Variants in UBR4 observed in about 807,000 individuals in gnomAD.
The protein encoded by UBR4 is ubiquitin protein ligase E3 component n-recognin 4, also known as E3 ubiquitin-protein ligase UBR4.
A neutral mutation model predicts 575.6 loss-of-function variants in UBR4; 124 were observed. The observed-to-expected ratio is 0.22, with a 90% CI of 0.19 to 0.25. The LOEUF is 0.25. Among genes scored for constraint, UBR4 ranks in the 10% least tolerant of loss-of-function variants. UBR4 has a pLI of 1.00. For missense variants in UBR4, 4,818 were observed against 6,478.8 expected (o/e 0.74, Z 8.80); for synonymous variants, 2,455 against 2,473.7 (o/e 0.99, Z 0.22).
rs992042333 is a variant in UBR4, at chr1:19,106,945, T to C, written c.12127A>G (p.Thr4043Ala). ...KNKDVPVEAL[T>A]TVKPYCNEIH... ...TCATTGCAGTATGGCTTCACCGTGG[T>C]GAGGGCCTCAACGGGGACATCCTGG... Residue 4043 changes from threonine to alanine, a missense_variant, in exon 82 of 106, where the codon ACC (threonine) becomes GCC (alanine). Physicochemically the swap from Thr to Ala is moderately conservative, Grantham distance 58. Coordinates refer to ENST00000375254, the MANE Select transcript of UBR4 (RefSeq NM_020765.3). 1.2e-6 allele frequency: 2 copies of C among 1,612,222 alleles called. No homozygotes were observed. Among genetic ancestry groups the C allele is most frequent in the Non-Finnish European group, 1.7e-6 (2 of 1,179,944 alleles).
chr1:19,122,786 C>T (rs376361225), intron 66 of UBR4, 47 bp downstream of exon 66: 4 of 1,609,286 alleles, frequency 2.5e-6, no homozygotes, highest in South Asian at 1.1e-5. Flanking sequence ...TTGGCTAAGC[C>T]TTATCACATC....
At chr1:19,195,509 G>C (rs904699359) in intron 8 of UBR4, among the ~76,000 whole-genome samples, 5 of 151,944 alleles carry the variant, frequency 3.3e-5, no homozygotes, top group Non-Finnish European at 1.5e-5. Flanking sequence ...CTTACTGACT[G>C]AGTACATTGA....
At position 19,184,137 on chromosome 1, in the gene UBR4, G is replaced by A; in HGVS notation, c.1977C>T (p.Thr659=). The stretch of plus-strand genomic sequence containing the variant: ...TGTTCCGAGAGTTCAGCATGGAAGA[G>A]GTGATGAAGTTCAAAATGTTGGAAG... ...GLASNILNFI[T]SSMLNSRNNF... The change falls in exon 16 of 106, where the codon ACC becomes ACT. Residue 659 remains threonine, a synonymous_variant. Transcript: ENST00000375254. The A allele has an allele frequency of 6.2e-7, 1 of 1,614,158 alleles. No homozygotes were observed. Among genetic ancestry groups the A allele is most frequent in the Non-Finnish European group, 8.5e-7 (1 of 1,180,028 alleles).
intron 67 of UBR4, 116 bp downstream of exon 67, chr1:19,121,818 G>A (rs77437768): frequency 0.026 from 31,781 of 1,205,976 alleles, 538 homozygotes; most frequent in South Asian, 0.059. Flanking sequence ...GTTCTGTCTA[G>A]TCTATCTTGT....
rs1384542001 is a variant in UBR4 at position 19,113,790 on chromosome 1, G to C, written c.11366C>G (p.Ser3789Cys). ...CAGGATGTAACGATTCACACTGGCA[G>C]AAGTGGAGCTGATGCCCCCTGCTGT... is the stretch of plus-strand genomic sequence containing the variant. The part of the protein sequence containing the change: ...SGTAGGISST[S>C]ASVNRYILQL... Residue 3789 changes from serine to cysteine, a missense_variant, in exon 77 of 106, where the codon TCT becomes TGT. By Grantham distance (112) the Ser-to-Cys change is moderately radical (BLOSUM62 -1). This residue lies in a region of UBR4 where 333 missense variants were observed against 459.2 expected (regional missense o/e 0.73). Coordinates refer to ENST00000375254, the MANE Select transcript of UBR4 (RefSeq NM_020765.3). 4.3e-6 allele frequency: 7 copies of C among 1,614,128 alleles called. No homozygotes were observed. Among genetic ancestry groups the C allele is most frequent in the African/African-American group, 4.0e-5 (3 of 74,940 alleles).
intron 29 of UBR4, 94 bp from the exon 30 acceptor site, chr1:19,165,851 T>C (rs2088272258): frequency 8.9e-7 from 1 of 1,126,204 alleles, no homozygotes; most frequent in Admixed American, 2.6e-5. Flanking sequence ...TTTGTCTGTT[T>C]GACCTTGAGG....
chr1:19,101,684 C>A, intron 87 of UBR4, 43 bp from the exon 88 acceptor site: 1 of 1,570,330 alleles, frequency 6.4e-7, no homozygotes, highest in South Asian at 1.1e-5. Context: ...GAGCCTCTCC[C>A]ATGGAAGGTG....
chr1:19,138,279 C>T (rs2274001), intron 59 of UBR4, 98 bp from the exon 60 acceptor site: 792,116 of 1,264,466 alleles, frequency 0.63, 249,969 homozygotes, highest in East Asian at 0.83. Flanking sequence ...CAGTAACTGA[C>T]AGCATTAGAC....
intron 55 of UBR4, 76 bp downstream of exon 55, chr1:19,143,904 G>T: frequency 7.5e-7 from 1 of 1,333,004 alleles, no homozygotes; most frequent in Non-Finnish European, 1.1e-6. Flanking sequence ...TGAGCAGCAT[G>T]CCCAATGCTA....
At position 19,089,184 on chromosome 1, in the gene UBR4, T is replaced by G. The variant is rs113471613; in HGVS notation, c.14212-207A>C. ...TGCCACTGCCTCTGACCAATTCCTA[T>G]GCTCTAAGCTCAGTATTTCCATCTA... On this transcript the variant is annotated intron_variant, in intron 97 of 105. Transcript: ENST00000375254. This position sits in a 1 kb window ranked among gnomAD's most constrained non-coding sequence, Gnocchi z 4.3. Among the ~76,000 whole-genome samples the G allele has an allele frequency of 2.2e-3, 334 of 152,316 alleles. 1 individual carries two copies. The highest frequency in any genetic ancestry group is 7.6e-3 in the African/African-American group (316 of 41,568).
At chr1:19,183,673 G>T in intron 17 of UBR4, 138 bp downstream of exon 17, 1 of 816,144 alleles carries the variant, frequency 1.2e-6, no homozygotes, top group Non-Finnish European at 2.0e-6. Flanking sequence ...AGTGAGCCAA[G>T]ACCGTGTCAC....
chr1:19,154,871 T>C (rs562684217), intron 44 of UBR4, 47 bp downstream of exon 44: 93 of 1,609,280 alleles, frequency 5.8e-5, no homozygotes, highest in Non-Finnish European at 6.8e-5. Context: ...AGATCCCACA[T>C]TGAATGTGGA....
chr1:19,156,694 T>A (rs985471038), intron 41 of UBR4, 73 bp downstream of exon 41: 34 of 1,531,098 alleles, frequency 2.2e-5, no homozygotes, highest in Non-Finnish European at 2.8e-5. Context: ...GAAAAAGTAG[T>A]TCTGAGAACA....
At chr1:19,140,983 A>G in intron 57 of UBR4, 91 bp from the exon 58 acceptor site, 1 of 1,340,130 alleles carries the variant, frequency 7.5e-7, no homozygotes, top group Non-Finnish European at 1.0e-6. Flanking sequence ...AGAGTCTCCA[A>G]ACACCAGCAT....
chr1:19,159,565 C>A (rs1424779695), intron 39 of UBR4, among the ~76,000 whole-genome samples: 5 of 151,030 alleles, frequency 3.3e-5, no homozygotes, highest in Admixed American at 6.6e-5. Context: ...TTATTCTCTT[C>A]ATTGGCCAAA....
chr1:19,104,498 G>T (rs1231268279), intron 86 of UBR4, 87 bp downstream of exon 86: 1 of 1,433,914 alleles, frequency 7.0e-7, no homozygotes, highest in Non-Finnish European at 9.7e-7. Context: ...CCAGAGAGAA[G>T]AGAGTCAACC....
intron 101 of UBR4, among the ~76,000 whole-genome samples, chr1:19,085,854 T>C (rs532476923): frequency 3.3e-5 from 5 of 152,292 alleles, no homozygotes; most frequent in Non-Finnish European, 5.9e-5. Context: ...TCTTCTGTCA[T>C]AAGATCAGCA....
intron 85 of UBR4, 43 bp downstream of exon 85, chr1:19,105,005 G>T (rs376802231): frequency 6.2e-7 from 1 of 1,602,924 alleles, no homozygotes; most frequent in Admixed American, 1.7e-5. Flanking sequence ...AGGTACAAGG[G>T]GGAATTAGGG....
chr1:19,121,165 C>T lies in UBR4; in HGVS notation c.10141+24G>A, dbSNP rs555365932. On this transcript the variant is annotated intron_variant, in intron 68 of 105. Transcript: ENST00000375254. Reference sequence around the variant, plus strand: ...AGATTTACATACATCATTGTAGTCACAATGACAAGAGGGTGACCCTTACCA... The same window carrying T: ...AGATTTACATACATCATTGTAGTCATAATGACAAGAGGGTGACCCTTACCA... 1.2e-4 allele frequency: 192 copies of T among 1,609,524 alleles called. 1 individual carries two copies. The South Asian group carries it at 2.0e-3, about 17-fold the overall frequency.
Sources: gnomAD v4.1 joint callset for allele counts (sites outside exome capture counted in the v4.1 genomes callset) on GRCh38, gnomAD v4.1.1 for gene constraint, gnomAD v4.1.1 regional missense constraint, Gnocchi (gnomAD v3.1) non-coding constraint, MANE v1.5 for transcripts, NCBI Gene and HGNC (gene_info 2026-07-23, HGNC 2026-07-21) for gene names.